The following VAV2 variants were observed in gnomAD, a reference collection of about 807,000 sequenced individuals.
VAV2 encodes guanine nucleotide exchange factor VAV2.
VAV2 carries 67 observed loss-of-function variants against 132.5 expected under a neutral mutation model. The ratio of observed to expected loss-of-function variants is 0.51; its 90% CI spans 0.42 to 0.62. The LOEUF (loss-of-function observed/expected upper bound fraction) is 0.62, where lower values mean the gene tolerates loss of function less well. Ranked by LOEUF, VAV2 falls within the 20% of genes least tolerant of loss-of-function variation. The probability of loss-of-function intolerance (pLI) is 0.00; values close to 1 mark genes in which losing one functional copy is unlikely to be tolerated. For missense variants in VAV2, 938 were observed against 1,153.6 expected (o/e 0.81, Z 2.71); for synonymous variants, 492 against 443.5 (o/e 1.11, Z -1.37).
At position 133,884,578 on chromosome 9, in the gene VAV2, T is replaced by A. The variant is rs1322460751; in HGVS notation, c.322-23146A>T. 1.3e-5 allele frequency among the ~76,000 whole-genome samples: 2 copies of A among 152,178 alleles called. No homozygotes were observed. Among genetic ancestry groups the A allele is most frequent in the African/African-American group, 4.8e-5 (2 of 41,438 alleles). ...TCTCCACCCAGGCTGGTTCCCAGGC[T>A]GTTACTTTATGGAACATCAGCAAGC... On this transcript the variant is annotated intron_variant, in intron 2 of 29. Transcript: ENST00000371850. This position sits in a 1 kb window ranked among gnomAD's most constrained non-coding sequence, Gnocchi z 5.3.
rs1419897107 is a variant in VAV2, at chr9:133,862,391, G to A, written c.322-959C>T. On this transcript the variant is annotated intron_variant, in intron 2 of 29. Transcript: ENST00000371850. ...GGGCGGGAAGCTGTCACAACTCACG[G>A]GGTGAATGGAGCTCCTGAGCGACAG... Among the ~76,000 whole-genome samples the A allele has an allele frequency of 2.6e-5, 4 of 152,246 alleles. No homozygotes were observed. The South Asian group carries it at 6.2e-4, about 24-fold the overall frequency.
chr9:133,779,310 G>A (rs1024545600), intron 21 of VAV2, among the ~76,000 whole-genome samples: 1 of 152,216 alleles, frequency 6.6e-6, no homozygotes, highest in Non-Finnish European at 1.5e-5. Flanking sequence ...TCCTGGCTGT[G>A]CCTCCAGGGA....
chr9:133,957,841 GA>G (rs55793265), intron 1 of VAV2, among the ~76,000 whole-genome samples: 51,019 of 151,230 alleles, frequency 0.34, 9,701 homozygotes, highest in Non-Finnish European at 0.43. Flanking sequence ...AGTAGACATG[GA>G]AGACTCCATT....
At chr9:133,934,807 G>A (rs1419440270) in intron 2 of VAV2, among the ~76,000 whole-genome samples, 3 of 152,174 alleles carry the variant, frequency 2.0e-5, no homozygotes, top group Admixed American at 6.5e-5. Context: ...CGCGAGAGCC[G>A]ATGCTCCTAA....
intron 3 of VAV2, among the ~76,000 whole-genome samples, chr9:133,845,437 G>T (rs1273403813): frequency 6.6e-6 from 1 of 152,220 alleles, no homozygotes. Context: ...CGCACTGGGG[G>T]TTCTCTGCAA....
intron 4 of VAV2, among the ~76,000 whole-genome samples, chr9:133,812,595 G>A (rs1835402092): frequency 6.6e-6 from 1 of 151,404 alleles, no homozygotes; most frequent in Non-Finnish European, 1.5e-5. Context: ...CCCAGCTCCT[G>A]CCTCCAGAAC....
At chr9:133,790,739 T>G (rs774956107) in intron 13 of VAV2, among the ~76,000 whole-genome samples, 3 of 152,098 alleles carry the variant, frequency 2.0e-5, no homozygotes, top group Non-Finnish European at 4.4e-5. Context: ...AGCTTATTTT[T>G]TTTTTCTTTC....
chr9:133,872,405 A>G (rs1390336215), intron 2 of VAV2, among the ~76,000 whole-genome samples: 1 of 152,162 alleles, frequency 6.6e-6, no homozygotes, highest in East Asian at 1.9e-4. Flanking sequence ...CTAGAGGAAA[A>G]GGGCTGATGG....
chr9:133,826,214 C>T lies in VAV2; in HGVS notation c.449+8058G>A, dbSNP rs1360156396. Among the ~76,000 whole-genome samples the T allele has an allele frequency of 1.3e-5, 2 of 152,200 alleles. No individual in the cohort carries two copies. Among genetic ancestry groups the T allele is most frequent in the African/African-American group, 2.4e-5 (1 of 41,436 alleles). ...AACTGAGGCCCTGTGTGGCATTTAACTTGCCCAGAGAAGCAGCCCCTTGAA... is the reference window on the plus strand; with the variant it reads ...AACTGAGGCCCTGTGTGGCATTTAATTTGCCCAGAGAAGCAGCCCCTTGAA... On this transcript the variant is annotated intron_variant, in intron 4 of 29. Coordinates refer to ENST00000371850, the MANE Select transcript of VAV2 (RefSeq NM_001134398.2). The surrounding 1 kb of genome is among the most constrained non-coding windows in gnomAD (Gnocchi z 4.2).
chr9:133,969,778 C>T lies in VAV2; in HGVS notation c.204+22297G>A, dbSNP rs1035394904. Among the ~76,000 whole-genome samples, 6 of 152,136 alleles carry T rather than the reference C, an allele frequency of 3.9e-5. No individual in the cohort carries two copies. Among genetic ancestry groups the T allele is most frequent in the African/African-American group, 1.4e-4 (6 of 41,414 alleles). On this transcript the variant is annotated intron_variant, in intron 1 of 29. Coordinates refer to ENST00000371850, the MANE Select transcript of VAV2 (RefSeq NM_001134398.2). This position sits in a 1 kb window ranked among gnomAD's most constrained non-coding sequence, Gnocchi z 5.1. ...ATCTCTCTCCATTCCCACTTCTCTCCCCACCCCCCAGCCTGGACACCCCCA... is the reference window on the plus strand; with the variant it reads ...ATCTCTCTCCATTCCCACTTCTCTCTCCACCCCCCAGCCTGGACACCCCCA...
intron 2 of VAV2, among the ~76,000 whole-genome samples, chr9:133,880,311 G>A (rs1838441262): frequency 6.6e-6 from 1 of 152,206 alleles, no homozygotes; most frequent in African/African-American, 2.4e-5. Flanking sequence ...GAGCTGAGAG[G>A]GAGCCTCTGA....
chr9:133,967,903 A>G (rs1209062375), intron 1 of VAV2, among the ~76,000 whole-genome samples: 1 of 136,694 alleles, frequency 7.3e-6, no homozygotes, highest in African/African-American at 2.7e-5. Flanking sequence ...ACTGCACTCC[A>G]GCCTGGGCAA....
intron 1 of VAV2, among the ~76,000 whole-genome samples, chr9:133,974,561 C>G (rs1842445679): frequency 6.6e-6 from 1 of 152,298 alleles, no homozygotes; most frequent in African/African-American, 2.4e-5. Context: ...AGTGCACCAC[C>G]TTCCTACTGT....
intron 7 of VAV2, among the ~76,000 whole-genome samples, chr9:133,807,533 C>T (rs1437529884): frequency 1.3e-5 from 2 of 152,162 alleles, no homozygotes; most frequent in Non-Finnish European, 2.9e-5. Context: ...AAGATTCTAA[C>T]GCTCCCAGCG....
chr9:133,976,244 T>A (rs1029947468), intron 1 of VAV2, among the ~76,000 whole-genome samples: 2 of 151,994 alleles, frequency 1.3e-5, no homozygotes, highest in Admixed American at 6.5e-5. Flanking sequence ...TCTAGGGTCA[T>A]CCTCCCACAA....
At chr9:133,938,309 C>T (rs1841000599) in intron 2 of VAV2, among the ~76,000 whole-genome samples, 1 of 152,160 alleles carries the variant, frequency 6.6e-6, no homozygotes, top group Admixed American at 6.5e-5. Flanking sequence ...CGTCCAGCCC[C>T]GAATCCATCA....
chr9:133,948,115 T>A (rs975565777), intron 1 of VAV2, among the ~76,000 whole-genome samples: 1 of 152,174 alleles, frequency 6.6e-6, no homozygotes, highest in Non-Finnish European at 1.5e-5. Flanking sequence ...AAAGAGAGGC[T>A]GCAGTGCGGG....
At chr9:133,865,985 A>AG (rs1837783496) in intron 2 of VAV2, among the ~76,000 whole-genome samples, 3 of 152,214 alleles carry the variant, frequency 2.0e-5, no homozygotes, top group African/African-American at 7.2e-5. Flanking sequence ...TGGGATGGTC[A>AG]GCTGCTTCTG....
chr9:133,873,140 A>G (rs559604072), intron 2 of VAV2, among the ~76,000 whole-genome samples: 114 of 151,858 alleles, frequency 7.5e-4, no homozygotes, highest in Non-Finnish European at 1.3e-3. Flanking sequence ...GGAAGACAGG[A>G]AAACACACAA....
Sources: allele counts gnomAD v4.1 joint callset (sites outside exome capture counted in the v4.1 genomes callset), GRCh38; gene constraint gnomAD v4.1.1; non-coding constraint Gnocchi (gnomAD v3.1); transcripts MANE v1.5; gene names NCBI Gene and HGNC (gene_info 2026-07-23, HGNC 2026-07-21).